C10orf90: variants seen among roughly 807,000 people sequenced by gnomAD.
C10orf90 encodes the protein (E2-independent) E3 ubiquitin-conjugating enzyme FATS.
Under a neutral mutation model 62.5 loss-of-function variants are expected in C10orf90, and 56 were observed. The observed-to-expected ratio is 0.90, with a 90% CI of 0.72 to 1.12. The LOEUF is 1.12. Among genes scored for constraint, C10orf90 ranks in the 50% most tolerant of loss-of-function variants. The pLI is 0.00. For missense variants in C10orf90, 970 were observed against 880.4 expected, an observed-to-expected ratio of 1.10 and a Z score of -1.29; for synonymous variants, 386 against 340.4, an observed-to-expected ratio of 1.13 and a Z score of -1.47.
rs531853704 is a variant in C10orf90, at chr10:126,628,467, G to A, written c.313+18098C>T. Among the ~76,000 whole-genome samples the A allele has an allele frequency of 5.9e-5, 9 of 152,168 alleles. 1 individual carries two copies. In the South Asian group the frequency reaches 1.5e-3, roughly 25 times the overall value. On this transcript the variant is annotated intron_variant, in intron 2 of 9. Transcript: ENST00000488181. ...TGGGTGATTGGATGTTGTGTTTGTT[G>A]CTGTTTCACAGCTTCTTTATTTGTG...
chr10:126,442,001 A>G (rs1590903432), intron 7 of C10orf90, among the ~76,000 whole-genome samples: 1 of 152,150 alleles, frequency 6.6e-6, no homozygotes, highest in East Asian at 1.9e-4. Context: ...AAAACAAAAA[A>G]CCAAGGTACA....
intron 2 of C10orf90, among the ~76,000 whole-genome samples, chr10:126,534,959 G>A (rs1864194059): frequency 6.6e-6 from 1 of 152,082 alleles, no homozygotes; most frequent in Admixed American, 6.6e-5. Flanking sequence ...ACTCCTTCAG[G>A]AGCTGAGACC....
intron 2 of C10orf90, among the ~76,000 whole-genome samples, chr10:126,582,950 A>G (rs1844783727): frequency 6.6e-6 from 1 of 152,232 alleles, no homozygotes; most frequent in African/African-American, 2.4e-5. Flanking sequence ...CTGCAGGAGC[A>G]TTTCTCAGAC....
chr10:126,476,198 C>T (rs1290347927), intron 4 of C10orf90, among the ~76,000 whole-genome samples: 1 of 152,188 alleles, frequency 6.6e-6, no homozygotes, highest in Non-Finnish European at 1.5e-5. Flanking sequence ...TTCCACTTCT[C>T]AGCGCTCCTG....
chr10:126,557,010 T>A (rs1228745147), intron 2 of C10orf90, among the ~76,000 whole-genome samples: 133 of 131,934 alleles, frequency 1.0e-3, no homozygotes, highest in Middle Eastern at 4.2e-3. Context: ...TTAATCAATT[T>A]AAAAAAAAAA....
intron 2 of C10orf90, among the ~76,000 whole-genome samples, chr10:126,549,023 G>T (rs1864569244): frequency 1.3e-5 from 2 of 152,060 alleles, no homozygotes; most frequent in African/African-American, 2.4e-5. Context: ...ACTCAAACAG[G>T]ATGATAAACT....
chr10:126,560,629 C>G (rs1864879766), intron 2 of C10orf90, among the ~76,000 whole-genome samples: 1 of 152,158 alleles, frequency 6.6e-6, no homozygotes, highest in Admixed American at 6.5e-5. Flanking sequence ...GCAGAGGAAC[C>G]AAAGCCATCC....
chr10:126,541,988 A>G lies in C10orf90; in HGVS notation c.314-28049T>C, dbSNP rs537617407. ...ACATTCAATGGAACATTATTCCAAC[A>G]AAAAGGAATGAAGCCGTGACACATG... On this transcript the variant is annotated intron_variant, in intron 2 of 9. Transcript: ENST00000488181. 2.0e-5 allele frequency among the ~76,000 whole-genome samples: 3 copies of G among 152,380 alleles called. No homozygotes were observed. The East Asian group carries it at 5.8e-4, about 29-fold the overall frequency.
rs187390812 is a variant in C10orf90, at chr10:126,614,925, C to A, written c.313+31640G>T. On this transcript the variant is annotated intron_variant, in intron 2 of 9. Transcript: ENST00000488181. The stretch of plus-strand genomic sequence containing the variant: ...CAGCATAACAAAGTTCTTCAAGACT[C>A]TGTGCTGAAATGACATATGTTTATT... Among the ~76,000 whole-genome samples the A allele has an allele frequency of 4.4e-4, 67 of 152,318 alleles. No homozygotes were observed. The East Asian group carries it at 0.01, about 24-fold the overall frequency.
At chr10:126,442,638 TATA>T (rs1858460601) in intron 7 of C10orf90, among the ~76,000 whole-genome samples, 2 of 16,466 alleles carry the variant, frequency 1.2e-4, no homozygotes, top group African/African-American at 3.5e-4. Flanking sequence ...TGTGTGTATA[TATA>T]TATATATATA....
chr10:126,445,469 A>G (rs373864933), intron 7 of C10orf90, among the ~76,000 whole-genome samples: 1 of 152,142 alleles, frequency 6.6e-6, no homozygotes, highest in African/African-American at 2.4e-5. Flanking sequence ...ATGTGATACC[A>G]CCTTACTTCT....
At position 126,576,299 on chromosome 10, in the gene C10orf90, T is replaced by C. The variant is rs7093743; in HGVS notation, c.314-62360A>G. The stretch of plus-strand genomic sequence containing the variant: ...ATCTCTCAAAAGGAGACATAAAAAA[T>C]GGCCAAGAAAGATATAAATTTTGAC... On this transcript the variant is annotated intron_variant, in intron 2 of 9. Transcript: ENST00000488181. Among the ~76,000 whole-genome samples the C allele has an allele frequency of 9.2e-3, 1,398 of 151,912 alleles. 21 individuals are homozygous for C. The highest frequency in any genetic ancestry group is 0.032 in the African/African-American group (1,311 of 41,468).
At chr10:126,480,578 A>G (rs1037778266) in intron 4 of C10orf90, among the ~76,000 whole-genome samples, 3 of 152,240 alleles carry the variant, frequency 2.0e-5, no homozygotes, top group African/African-American at 7.2e-5. Flanking sequence ...GGACTGGTGA[A>G]CATACAGCGG....
intron 4 of C10orf90, among the ~76,000 whole-genome samples, chr10:126,497,852 C>G (rs1466871385): frequency 6.6e-6 from 1 of 152,204 alleles, no homozygotes; most frequent in Non-Finnish European, 1.5e-5. Flanking sequence ...AAACAGGCAG[C>G]AGGCTGGACT....
chr10:126,646,518 T>C, intron 2 of C10orf90, 47 bp downstream of exon 2: 1 of 359,528 alleles, frequency 2.8e-6, no homozygotes, highest in South Asian at 2.1e-5. Context: ...AGAGAGTAAA[T>C]AAAGGCTTGA....
At position 126,464,823 on chromosome 10, in the gene C10orf90, T is replaced by C. The variant is rs1341994079; in HGVS notation, c.1698A>G (p.Thr566=). The C allele has an allele frequency of 6.2e-7, 1 of 1,614,176 alleles. No individual in the cohort carries two copies. The highest frequency in any genetic ancestry group is 1.1e-5 in the South Asian group (1 of 91,074). ...TCAGGAAGCTTTGATGTCGTCTCTC[T>C]GTGGGCTCAGAAAGGTCTCTAGACA... The part of the protein sequence containing the change: ...DCLSRDLSEP[T]ERRHQSFLKP... The change falls in exon 5 of 10, where the codon ACA becomes ACG. Residue 566 remains threonine, a synonymous_variant. Transcript: ENST00000488181.
At chr10:126,668,860 G>GT (rs1256969756) in intron 1 of C10orf90, among the ~76,000 whole-genome samples, 1 of 152,154 alleles carries the variant, frequency 6.6e-6, no homozygotes, top group African/African-American at 2.4e-5. Context: ...TATATTTGAA[G>GT]TTTTTTGTAA....
chr10:126,608,964 A>G (rs923160642), intron 2 of C10orf90, among the ~76,000 whole-genome samples: 2 of 152,228 alleles, frequency 1.3e-5, no homozygotes, highest in African/African-American at 4.8e-5. Flanking sequence ...TAAAGAGTAT[A>G]TAGGAGTTCT....
intron 2 of C10orf90, among the ~76,000 whole-genome samples, chr10:126,552,525 C>G (rs1047982233): frequency 1.3e-5 from 2 of 152,234 alleles, no homozygotes; most frequent in Non-Finnish European, 2.9e-5. Flanking sequence ...TGTCCATCAT[C>G]CAGGCGTTCT....
Sources: gnomAD v4.1 joint callset for allele counts (sites outside exome capture counted in the v4.1 genomes callset) on GRCh38, gnomAD v4.1.1 for gene constraint, MANE v1.5 for transcripts, NCBI Gene and HGNC (gene_info 2026-07-23, HGNC 2026-07-21) for gene names.